The following NWD2 variants were observed in gnomAD, a reference collection of about 807,000 sequenced individuals.
NWD2 encodes NACHT and WD repeat domain-containing protein 2.
In NWD2, 37 loss-of-function variants were observed where a neutral mutation model predicts 132.7. The ratio of observed to expected loss-of-function variants is 0.28; its 90% CI spans 0.21 to 0.37. The LOEUF (loss-of-function observed/expected upper bound fraction) is 0.37. NWD2 is among the 10% of genes least tolerant of loss of function. NWD2 has a pLI of 1.00. For synonymous variants in NWD2, 705 were observed against 803.0 expected (o/e 0.88, Z 2.06); for missense variants, 1,592 against 2,122.4 (o/e 0.75, Z 4.91).
intron 1 of NWD2, among the ~76,000 whole-genome samples, chr4:37,268,940 G>A (rs537381458): frequency 6.6e-6 from 1 of 151,946 alleles, no homozygotes; most frequent in South Asian, 2.1e-4. Context: ...TTGACACATG[G>A]AAATAAATTC....
chr4:37,265,214 T>C (rs113590942), intron 1 of NWD2, among the ~76,000 whole-genome samples: 3,515 of 152,176 alleles, frequency 0.023, 86 homozygotes, highest in East Asian at 0.083. Context: ...TAAAATGATA[T>C]AGTTCTAATA....
At chr4:37,403,526 G>A (rs973982747) in intron 3 of NWD2, among the ~76,000 whole-genome samples, 2 of 152,192 alleles carry the variant, frequency 1.3e-5, no homozygotes, top group Admixed American at 6.5e-5. Context: ...CAGTGGAGAC[G>A]ATTTCTGAGG....
chr4:37,402,758 T>G (rs534496700), intron 3 of NWD2, among the ~76,000 whole-genome samples: 27 of 152,316 alleles, frequency 1.8e-4, no homozygotes, highest in African/African-American at 4.8e-4. Flanking sequence ...TTTAAAACTT[T>G]GGGAAGACTC....
chr4:37,296,944 C>A (rs563040186), intron 1 of NWD2, among the ~76,000 whole-genome samples: 1 of 152,302 alleles, frequency 6.6e-6, no homozygotes, highest in East Asian at 1.9e-4. Context: ...GTGTTCACAG[C>A]AACTTCATAG....
Position 37,356,579 on chromosome 4 carries a change from G to A in NWD2, c.357+97G>A, listed in dbSNP as rs971759767. On this transcript the variant is annotated intron_variant, in intron 3 of 6. Coordinates refer to ENST00000309447, the MANE Select transcript of NWD2 (RefSeq NM_001144990.2). ...CATAAGGGGTTTTTTAAATGAGGGG[G>A]AAAAAGACTTTTTTATGTCTATTTA... The A allele has an allele frequency of 1.7e-5, 13 of 751,190 alleles. No homozygotes were observed. The Admixed American group carries it at 2.4e-4, about 14-fold the overall frequency. 46.5% of individuals were successfully genotyped at this position (751,190 alleles called of 1,614,324 possible).
chr4:37,265,849 A>G lies in NWD2; in HGVS notation c.151+20631A>G, dbSNP rs150409520. On this transcript the variant is annotated intron_variant, in intron 1 of 6. Coordinates refer to ENST00000309447, the MANE Select transcript of NWD2 (RefSeq NM_001144990.2). ...ATCTGCAGAGTCAGTCCCCTTTGCCATATAAGGTAACATTCGCAGCTTCCA... is the reference window on the plus strand; with the variant it reads ...ATCTGCAGAGTCAGTCCCCTTTGCCGTATAAGGTAACATTCGCAGCTTCCA... Among the ~76,000 whole-genome samples the G allele has an allele frequency of 3.3e-3, 495 of 152,162 alleles. 4 individuals carry two copies. The highest frequency in any genetic ancestry group is 0.011 in the African/African-American group (457 of 41,542).
Position 37,445,410 on chromosome 4 carries a change from C to T in NWD2, c.3422C>T (p.Ser1141Leu). The T allele has an allele frequency of 6.4e-7, 1 of 1,551,964 alleles. No individual in the cohort carries two copies. Among genetic ancestry groups the T allele is most frequent in the South Asian group, 1.2e-5 (1 of 84,058 alleles). The change falls in exon 7 of 7, where the codon TCA becomes TTA. Residue 1141 changes from serine (S) to leucine (L), a missense_variant. By Grantham distance (145) the Ser-to-Leu change is moderately radical. Around this residue, in one of 7 missense-constraint regions of NWD2, gnomAD observed 1,071 missense variants for 1,398.0 expected, o/e 0.77. Transcript: ENST00000309447. This position sits in a 1 kb window ranked among gnomAD's most constrained non-coding sequence, Gnocchi z 4.7. ...TTATGTACAGTGACATCAGAATTTT[C>T]AGGTGGATTTGTGAAGTTTCTTCTT... ...EKLCTVTSEF[S>L]GGFVKFLLIL...
chr4:37,417,085 C>T (rs566535448), intron 3 of NWD2, among the ~76,000 whole-genome samples: 2 of 152,208 alleles, frequency 1.3e-5, no homozygotes, highest in East Asian at 3.9e-4. Flanking sequence ...CCAATACCAC[C>T]TGTTCCCCAA....
rs181543311 is a variant in NWD2, at chr4:37,251,032, T to C, written c.151+5814T>C. Among the ~76,000 whole-genome samples, 9 of 152,354 alleles carry C rather than the reference T, an allele frequency of 5.9e-5. No individual in the cohort carries two copies. In the East Asian group the frequency reaches 1.5e-3, roughly 26 times the overall value. On this transcript the variant is annotated intron_variant, in intron 1 of 6. Transcript: ENST00000309447. ...GCTCACGCCTATAATCCCAGCACTTTGGGATACCAAGGTGAGTGGGCGGAT... is the reference window on the plus strand; with the variant it reads ...GCTCACGCCTATAATCCCAGCACTTCGGGATACCAAGGTGAGTGGGCGGAT...
chr4:37,287,661 G>A (rs962074784), intron 1 of NWD2, among the ~76,000 whole-genome samples: 75 of 152,294 alleles, frequency 4.9e-4, no homozygotes, highest in African/African-American at 1.7e-3. Context: ...TGAGCCCCTA[G>A]GGGGAGGGGT....
rs1434925471 is a variant in NWD2, at chr4:37,448,248, C to CA, written c.*1034dup. The CA allele has an allele frequency of 1.3e-5, 2 of 152,152 alleles. No homozygotes were observed. Among genetic ancestry groups the CA allele is most frequent in the Admixed American group, 1.3e-4 (2 of 15,278 alleles). The allele number at this position is 152,152 out of a possible 1,614,324, so 9.4% of individuals were successfully genotyped here. On this transcript the variant is annotated 3_prime_UTR_variant, in exon 7 of 7. Coordinates refer to ENST00000309447, the MANE Select transcript of NWD2 (RefSeq NM_001144990.2). The stretch of plus-strand genomic sequence containing the variant: ...CCTGTGTAAAATGCAGATAGATGAC[C>CA]AAATACTCTGGGATAAACTGAATAT...
intron 3 of NWD2, among the ~76,000 whole-genome samples, chr4:37,394,799 G>GTTTTTTTTTGTTTTGTTTTGTTT (rs1720747283): frequency 1.9e-5 from 1 of 52,596 alleles, no homozygotes; most frequent in Non-Finnish European, 3.2e-5. Context: ...AACCTTTATG[G>GTTTTTTTTTGTTTTGTTTTGTTT]TTTTTTTTTT....
chr4:37,360,882 A>C (rs1036997864), intron 3 of NWD2, among the ~76,000 whole-genome samples: 6 of 152,134 alleles, frequency 3.9e-5, no homozygotes, highest in African/African-American at 1.4e-4. Context: ...TTGCTTACAG[A>C]GTTTGAGCAT....
chr4:37,256,938 G>T (rs1266987614), intron 1 of NWD2, among the ~76,000 whole-genome samples: 1 of 152,176 alleles, frequency 6.6e-6, no homozygotes, highest in Non-Finnish European at 1.5e-5. Flanking sequence ...TGGGATCTAT[G>T]ACTTCTCCCC....
rs147150498 is a variant in NWD2 at position 37,259,971 on chromosome 4, T to C, written c.151+14753T>C. Among the ~76,000 whole-genome samples, 18 of 152,374 alleles carry C rather than the reference T, an allele frequency of 1.2e-4. No homozygotes were observed. The East Asian group carries it at 3.1e-3, about 26-fold the overall frequency. On this transcript the variant is annotated intron_variant, in intron 1 of 6. Transcript: ENST00000309447. ...GCAATGAGAAATCGAATACTGTTTGTACTATGGTCTGGCTGCATTATGACT... is the reference window on the plus strand; with the variant it reads ...GCAATGAGAAATCGAATACTGTTTGCACTATGGTCTGGCTGCATTATGACT...
intron 3 of NWD2, among the ~76,000 whole-genome samples, chr4:37,424,282 T>C (rs1025573122): frequency 2.6e-5 from 4 of 152,098 alleles, no homozygotes; most frequent in Admixed American, 1.3e-4. Flanking sequence ...TCTAAGATAC[T>C]CTCAGAAGAG....
chr4:37,293,878 C>T lies in NWD2; in HGVS notation c.152-32058C>T, dbSNP rs915414318. On this transcript the variant is annotated intron_variant, in intron 1 of 6. Transcript: ENST00000309447. Reference sequence around the variant, plus strand: ...TAACAAATGTTAAGCCCAGGGCACACTGCATTTAAAAAAAAAAAAAAAAGA... The same window carrying T: ...TAACAAATGTTAAGCCCAGGGCACATTGCATTTAAAAAAAAAAAAAAAAGA... Among the ~76,000 whole-genome samples the T allele has an allele frequency of 3.9e-5, 4 of 102,906 alleles. No individual in the cohort carries two copies. The East Asian group carries it at 7.1e-4, about 18-fold the overall frequency. The allele number at this position is 102,906 out of a possible 152,430, so 67.5% of individuals were successfully genotyped here.
chr4:37,297,376 CTG>C (rs762543153), intron 1 of NWD2, among the ~76,000 whole-genome samples: 6 of 151,944 alleles, frequency 3.9e-5, no homozygotes, highest in Non-Finnish European at 8.8e-5. Context: ...TATTTTCTAT[CTG>C]TGATTGGTTG....
At chr4:37,294,978 G>T (rs563581569) in intron 1 of NWD2, among the ~76,000 whole-genome samples, 81 of 152,246 alleles carry the variant, frequency 5.3e-4, no homozygotes, top group African/African-American at 1.9e-3. Context: ...AGGAGGGAGG[G>T]TATGGTCACA....
Sources: gnomAD v4.1 joint callset for allele counts (sites outside exome capture counted in the v4.1 genomes callset) on GRCh38, gnomAD v4.1.1 for gene constraint, gnomAD v4.1.1 regional missense constraint, Gnocchi (gnomAD v3.1) non-coding constraint, MANE v1.5 for transcripts, NCBI Gene and HGNC (gene_info 2026-07-23, HGNC 2026-07-21) for gene names.